Variants in PDGFC observed in about 807,000 individuals in gnomAD.
PDGFC encodes platelet-derived growth factor C.
In PDGFC, 12 loss-of-function variants were observed where a neutral mutation model predicts 35.5. The ratio of observed to expected loss-of-function variants is 0.34; its 90% CI spans 0.22 to 0.55. PDGFC has a LOEUF of 0.55. Among genes scored for constraint, PDGFC ranks in the 20% least tolerant of loss-of-function variants. The pLI, the probability that PDGFC is intolerant of heterozygous loss-of-function variation, is 0.91. For synonymous variants in PDGFC, 159 were observed against 148.8 expected (o/e 1.07, Z -0.50); for missense variants, 322 against 412.4 (o/e 0.78, Z 1.90).
At chr4:156,847,070 G>A (rs1271743638) in intron 2 of PDGFC, among the ~76,000 whole-genome samples, 1 of 151,610 alleles carries the variant, frequency 6.6e-6, no homozygotes, top group Non-Finnish European at 1.5e-5. Flanking sequence ...ATGAAAAAAG[G>A]AAGGACAGAC....
intron 1 of PDGFC, chr4:156,967,793 C>T (rs2110990589): frequency 6.6e-6 from 1 of 152,174 alleles, no homozygotes; most frequent in East Asian, 1.9e-4. Flanking sequence ...CATGGTCATA[C>T]AACAAGTATA....
At chr4:156,930,495 A>G (rs1731524724) in intron 1 of PDGFC, among the ~76,000 whole-genome samples, 2 of 152,370 alleles carry the variant, frequency 1.3e-5, no homozygotes, top group South Asian at 4.1e-4. Flanking sequence ...AGGCATCTCC[A>G]CAACAACTAT....
At chr4:156,838,743 G>A (rs1285095008) in intron 2 of PDGFC, among the ~76,000 whole-genome samples, 2 of 152,176 alleles carry the variant, frequency 1.3e-5, no homozygotes, top group African/African-American at 4.8e-5. Context: ...TGATTTGGCT[G>A]TGTTCCCACC....
rs1040478395 is a variant in PDGFC, at chr4:156,814,445, C to A, written c.315-3428G>T. 2.6e-5 allele frequency among the ~76,000 whole-genome samples: 4 copies of A among 151,966 alleles called. 1 individual carries two copies. Among genetic ancestry groups the A allele is most frequent in the African/African-American group, 9.7e-5 (4 of 41,370 alleles). On this transcript the variant is annotated intron_variant, in intron 2 of 5. Coordinates refer to ENST00000502773, the MANE Select transcript of PDGFC (RefSeq NM_016205.3). ...CCTGAAGCAGGAGTGGTCAATAATG[C>A]CAAGTGCCAAAGAAAGATCAAAGAG... is the stretch of plus-strand genomic sequence containing the variant.
intron 1 of PDGFC, among the ~76,000 whole-genome samples, chr4:156,895,630 T>TC (rs1308888109): frequency 6.8e-6 from 1 of 147,600 alleles, no homozygotes; most frequent in East Asian, 2.0e-4. Context: ...AGACTCTGTC[T>TC]CAGAAAAAAA....
In PDGFC at chr4:156,762,877, C is replaced by T. The variant is rs1730414611; in HGVS notation, c.*213G>A. The T allele has an allele frequency of 2.1e-6, 1 of 485,482 alleles. No homozygotes were observed. The highest frequency in any genetic ancestry group is 3.0e-5 in the East Asian group (1 of 33,160). The allele number at this position is 485,482 out of a possible 1,614,324, so 30.1% of individuals were successfully genotyped here. ...TTCTTTCCACGATTGAAGACCTTTT[C>T]TCCTGTCCTTTAGGCCTCCTCTCAA... On this transcript the variant is annotated 3_prime_UTR_variant, in exon 6 of 6. Coordinates refer to ENST00000502773, the MANE Select transcript of PDGFC (RefSeq NM_016205.3).
intron 1 of PDGFC, among the ~76,000 whole-genome samples, chr4:156,955,897 A>T (rs996074877): frequency 2.6e-5 from 4 of 152,010 alleles, no homozygotes; most frequent in African/African-American, 9.7e-5. Context: ...AGTCCGCACC[A>T]TCTGCTTAGA....
At chr4:156,797,340 C>T (rs1227182665) in intron 3 of PDGFC, among the ~76,000 whole-genome samples, 7 of 152,068 alleles carry the variant, frequency 4.6e-5, no homozygotes, top group South Asian at 2.1e-4. Context: ...ACTCACCCCT[C>T]GCCCACACCC....
intron 3 of PDGFC, among the ~76,000 whole-genome samples, chr4:156,806,613 A>T (rs1384409099): frequency 1.3e-5 from 2 of 152,026 alleles, no homozygotes; most frequent in Non-Finnish European, 2.9e-5. Flanking sequence ...AACTTTAAAA[A>T]TTCAGATTTA....
intron 2 of PDGFC, among the ~76,000 whole-genome samples, chr4:156,826,458 C>A (rs1361744357): frequency 4.0e-5 from 6 of 151,870 alleles, no homozygotes; most frequent in Admixed American, 3.3e-4. Context: ...CCAGCTTGGC[C>A]TCTCAAAGTG....
At chr4:156,954,463 T>A (rs774383936) in intron 1 of PDGFC, among the ~76,000 whole-genome samples, 1 of 151,974 alleles carries the variant, frequency 6.6e-6, no homozygotes, top group Non-Finnish European at 1.5e-5. Context: ...TTATATCTTA[T>A]GTTAACTAGA....
intron 2 of PDGFC, among the ~76,000 whole-genome samples, chr4:156,827,770 T>A (rs1728815084): frequency 6.6e-6 from 1 of 152,184 alleles, no homozygotes; most frequent in African/African-American, 2.4e-5. Context: ...CCAGAAAATT[T>A]TATTATTTTC....
At position 156,971,203 on chromosome 4, in the gene PDGFC, G is replaced by A. The variant is rs1732584465; in HGVS notation, c.-300C>T. ...TGGTGGGGGTGGGGGTGAAGGCGAG[G>A]GAGGAATGAGGGGGTGGGGACGCGG... On this transcript the variant is annotated 5_prime_UTR_variant, in exon 1 of 6. Coordinates refer to ENST00000502773, the MANE Select transcript of PDGFC (RefSeq NM_016205.3). The A allele has an allele frequency of 7.2e-6, 3 of 416,896 alleles. No homozygotes were observed. Among genetic ancestry groups the A allele is most frequent in the Non-Finnish European group, 1.3e-5 (3 of 236,546 alleles). The allele number at this position is 416,896 out of a possible 1,614,324, so 25.8% of individuals were successfully genotyped here.
At chr4:156,824,534 C>T (rs1399406378) in intron 2 of PDGFC, among the ~76,000 whole-genome samples, 2 of 151,786 alleles carry the variant, frequency 1.3e-5, no homozygotes, top group Non-Finnish European at 2.9e-5. Context: ...CATTTTGTAA[C>T]CCATAGGATT....
intron 1 of PDGFC, chr4:156,967,549 G>A (rs1419849341): frequency 2.0e-5 from 3 of 152,146 alleles, no homozygotes; most frequent in African/African-American, 4.8e-5. Flanking sequence ...CTTAATCTAT[G>A]AGTAAACTAA....
At chr4:156,779,998 G>A (rs556205794) in intron 3 of PDGFC, among the ~76,000 whole-genome samples, 11 of 152,126 alleles carry the variant, frequency 7.2e-5, no homozygotes, top group South Asian at 2.1e-4. Context: ...GTCAAACTGC[G>A]GGTTATAAGT....
In PDGFC at chr4:156,762,124, A is replaced by T. The variant is rs558252792; in HGVS notation, c.*966T>A. On this transcript the variant is annotated 3_prime_UTR_variant, in exon 6 of 6. Coordinates refer to ENST00000502773, the MANE Select transcript of PDGFC (RefSeq NM_016205.3). The stretch of plus-strand genomic sequence containing the variant: ...CAATTCTATTCCAATTCAGTTTTTT[A>T]AAATGCAGATTAATCTAACTCTAGC... 6.5e-6 allele frequency: 1 copy of T among 152,762 alleles called. No homozygotes were observed. Among genetic ancestry groups the T allele is most frequent in the South Asian group, 2.1e-4 (1 of 4,828 alleles). The allele number at this position is 152,762 out of a possible 1,614,324, so 9.5% of individuals were successfully genotyped here.
chr4:156,938,847 T>C (rs564243696), intron 1 of PDGFC, among the ~76,000 whole-genome samples: 114 of 150,606 alleles, frequency 7.6e-4, no homozygotes, highest in African/African-American at 2.8e-3. Context: ...AAGTAAACTA[T>C]TATTAATATA....
intron 3 of PDGFC, among the ~76,000 whole-genome samples, chr4:156,786,051 A>G (rs1731116416): frequency 6.6e-6 from 1 of 152,140 alleles, no homozygotes; most frequent in South Asian, 2.1e-4. Flanking sequence ...ACTAATCACC[A>G]TTACCCTAAT....
Sources: gnomAD v4.1 joint callset for allele counts (sites outside exome capture counted in the v4.1 genomes callset) on GRCh38, gnomAD v4.1.1 for gene constraint, MANE v1.5 for transcripts, NCBI Gene and HGNC (gene_info 2026-07-23, HGNC 2026-07-21) for gene names.